Variants in NELL1 observed in about 807,000 individuals in gnomAD.
NELL1 encodes neural EGFL like 1.
NELL1 carries 76 observed loss-of-function variants against 107.4 expected under a neutral mutation model. That is an observed-to-expected ratio of 0.71 (90% CI 0.59 to 0.86). NELL1 has a LOEUF of 0.86. Among genes scored for constraint, NELL1 ranks in the 40% least tolerant of loss-of-function variants. NELL1 has a pLI of 0.00. For missense variants in NELL1, 1,024 were observed against 1,005.5 expected (o/e 1.02, Z -0.25); for synonymous variants, 353 against 341.2 (o/e 1.03, Z -0.38).
chr11:21,447,920 A>C (rs1324588947), intron 15 of NELL1, among the ~76,000 whole-genome samples: 1 of 152,082 alleles, frequency 6.6e-6, no homozygotes, highest in Non-Finnish European at 1.5e-5. Flanking sequence ...TGCAATGAGC[A>C]TTTCTTCTTT....
intron 15 of NELL1, among the ~76,000 whole-genome samples, chr11:21,432,996 C>T (rs1853005213): frequency 6.6e-6 from 1 of 152,110 alleles, no homozygotes. Flanking sequence ...CATTAACCAA[C>T]CTCTGCCTAT....
chr11:21,250,270 TGA>T (rs2133909421), intron 14 of NELL1, among the ~76,000 whole-genome samples: 1 of 152,282 alleles, frequency 6.6e-6, no homozygotes, highest in South Asian at 2.1e-4. Context: ...AACATAAACC[TGA>T]TTTGCAGTGA....
intron 5 of NELL1, among the ~76,000 whole-genome samples, chr11:20,890,217 C>T (rs1212130106): frequency 2.0e-5 from 3 of 152,062 alleles, no homozygotes; most frequent in Non-Finnish European, 4.4e-5. Flanking sequence ...AGCAGGTGAA[C>T]AGGGCCTGAA....
intron 13 of NELL1, among the ~76,000 whole-genome samples, chr11:21,192,742 A>G (rs1048623113): frequency 6.6e-6 from 1 of 151,826 alleles, no homozygotes; most frequent in Non-Finnish European, 1.5e-5. Context: ...GCATAGAAGA[A>G]ACTTAAACAG....
chr11:21,050,271 G>C (rs139865203), intron 12 of NELL1, among the ~76,000 whole-genome samples: 1 of 133,670 alleles, frequency 7.5e-6, no homozygotes, highest in African/African-American at 3.2e-5. Flanking sequence ...ACCCATCCCC[G>C]CCCCCCACTT....
At chr11:21,074,202 C>G (rs1383231560) in intron 12 of NELL1, among the ~76,000 whole-genome samples, 1 of 152,090 alleles carries the variant, frequency 6.6e-6, no homozygotes, top group Non-Finnish European at 1.5e-5. Flanking sequence ...AATACATAAT[C>G]TGAGTACCCT....
chr11:21,018,067 G>A (rs933467720), intron 12 of NELL1, among the ~76,000 whole-genome samples: 21 of 152,036 alleles, frequency 1.4e-4, no homozygotes, highest in African/African-American at 2.4e-4. Context: ...ACAATTTGTC[G>A]CATTTGGAGA....
At chr11:21,390,727 T>C (rs1379288331) in intron 15 of NELL1, among the ~76,000 whole-genome samples, 2 of 151,880 alleles carry the variant, frequency 1.3e-5, no homozygotes, top group African/African-American at 4.8e-5. Context: ...TTATTGCTGT[T>C]TGTTCAGTTT....
At chr11:21,220,167 T>C (rs1472045554) in intron 13 of NELL1, among the ~76,000 whole-genome samples, 1 of 152,234 alleles carries the variant, frequency 6.6e-6, no homozygotes, top group African/African-American at 2.4e-5. Flanking sequence ...CCATATCAGC[T>C]GTAAATACAT....
intron 15 of NELL1, among the ~76,000 whole-genome samples, chr11:21,415,317 C>G (rs947314157): frequency 1.3e-5 from 2 of 152,098 alleles, no homozygotes; most frequent in African/African-American, 4.8e-5. Flanking sequence ...TGGTGACTAC[C>G]TTGAAGCCAG....
intron 15 of NELL1, among the ~76,000 whole-genome samples, chr11:21,476,383 T>C (rs1854333471): frequency 6.6e-6 from 1 of 152,176 alleles, no homozygotes; most frequent in Non-Finnish European, 1.5e-5. Context: ...GCTCAATCTG[T>C]GCCTGTCCTT....
At chr11:21,028,953 A>G (rs1214738746) in intron 12 of NELL1, among the ~76,000 whole-genome samples, 2 of 152,196 alleles carry the variant, frequency 1.3e-5, no homozygotes, top group Non-Finnish European at 2.9e-5. Flanking sequence ...TAGTAGAAAC[A>G]GATTCCCTGC....
intron 2 of NELL1, among the ~76,000 whole-genome samples, chr11:20,774,952 A>G: frequency 6.6e-6 from 1 of 152,196 alleles, no homozygotes; most frequent in Non-Finnish European, 1.5e-5. Flanking sequence ...TGCCAAAAAA[A>G]AAGAAAAAAA....
intron 12 of NELL1, among the ~76,000 whole-genome samples, chr11:21,009,819 C>T (rs995674986): frequency 6.6e-6 from 1 of 152,016 alleles, no homozygotes; most frequent in Non-Finnish European, 1.5e-5. Flanking sequence ...CCTTAACGAG[C>T]GTGTGCTCAG....
intron 12 of NELL1, among the ~76,000 whole-genome samples, chr11:21,044,540 A>C (rs1853311391): frequency 6.6e-6 from 1 of 152,160 alleles, no homozygotes; most frequent in East Asian, 1.9e-4. Context: ...TGATGTTTTA[A>C]GATGAGCGAT....
chr11:21,210,441 A>G (rs760275743), intron 13 of NELL1, among the ~76,000 whole-genome samples: 29 of 152,068 alleles, frequency 1.9e-4, no homozygotes, highest in Admixed American at 7.2e-4. Context: ...GTGAAGTGGT[A>G]TCTCATTGTG....
intron 15 of NELL1, among the ~76,000 whole-genome samples, chr11:21,494,751 A>G (rs1165320434): frequency 1.3e-5 from 2 of 152,040 alleles, no homozygotes; most frequent in South Asian, 2.1e-4. Context: ...ATGCAATGTA[A>G]TATTATACAG....
chr11:21,123,335 G>A lies in NELL1; in HGVS notation c.1426+9621G>A, dbSNP rs1173473731. On this transcript the variant is annotated intron_variant, in intron 13 of 19. Coordinates refer to ENST00000357134, the MANE Select transcript of NELL1 (RefSeq NM_006157.5). ...TGTCAAGGAAGATGTGTGTGCCTGC[G>A]TGTGTGTGTGTGTGTGTGTGTGTGT... is the stretch of plus-strand genomic sequence containing the variant. Among the ~76,000 whole-genome samples the A allele has an allele frequency of 2.0e-4, 8 of 40,940 alleles. No homozygotes were observed. In the South Asian group the frequency reaches 2.9e-3, roughly 15 times the overall value. The allele number at this position is 40,940 out of a possible 152,430, so 26.9% of individuals were successfully genotyped here.
chr11:20,717,766 T>C (rs894533725), intron 2 of NELL1, among the ~76,000 whole-genome samples: 2 of 152,188 alleles, frequency 1.3e-5, no homozygotes, highest in Non-Finnish European at 2.9e-5. Flanking sequence ...AAATTACATA[T>C]TTTTTTGGTC....
Sources: allele counts gnomAD v4.1 joint callset (sites outside exome capture counted in the v4.1 genomes callset), GRCh38; gene constraint gnomAD v4.1.1; transcripts MANE v1.5; gene names NCBI Gene and HGNC (gene_info 2026-07-23, HGNC 2026-07-21).